The following PDE1C variants were observed in gnomAD, a reference collection of about 807,000 sequenced individuals.
PDE1C encodes the protein phosphodiesterase 1C.
Under a neutral mutation model 93.1 loss-of-function variants are expected in PDE1C, and 62 were observed. The ratio of observed to expected loss-of-function variants is 0.67; its 90% CI spans 0.54 to 0.82. The LOEUF is 0.82. Among genes scored for constraint, PDE1C ranks in the 40% least tolerant of loss-of-function variants. The probability of loss-of-function intolerance (pLI) is 0.00; values close to 1 mark genes in which losing one functional copy is unlikely to be tolerated. For missense variants in PDE1C, 742 were observed against 884.6 expected (o/e 0.84, Z 2.04); for synonymous variants, 325 against 310.1 (o/e 1.05, Z -0.50).
At chr7:32,247,689 G>GTTTTACA (rs1809067971) in intron 1 of PDE1C, among the ~76,000 whole-genome samples, 1 of 152,170 alleles carries the variant, frequency 6.6e-6, no homozygotes, top group Admixed American at 6.5e-5. Flanking sequence ...AATAACATGA[G>GTTTTACA]ATACTCAACA....
rs147199950 is a variant in PDE1C, at chr7:31,813,966, G to T, written c.1813+1958C>A. Reference sequence around the variant, plus strand: ...AATAATGGTCTCCAATTCCATCCAGGTTGCTGCAAATGCCATTATTTCATT... The same window carrying T: ...AATAATGGTCTCCAATTCCATCCAGTTTGCTGCAAATGCCATTATTTCATT... On this transcript the variant is annotated intron_variant, in intron 15 of 17. Coordinates refer to ENST00000396191, the MANE Select transcript of PDE1C (RefSeq NM_001191057.4). Among the ~76,000 whole-genome samples the T allele has an allele frequency of 2.3e-4, 35 of 151,966 alleles. 1 individual carries two copies. In the East Asian group the frequency reaches 6.9e-3, roughly 30 times the overall value.
intron 1 of PDE1C, among the ~76,000 whole-genome samples, chr7:32,277,246 C>T (rs184027023): frequency 3.4e-4 from 52 of 152,176 alleles, no homozygotes; most frequent in Non-Finnish European, 5.1e-4. Flanking sequence ...AAGACCCTGC[C>T]TCAAAAAACA....
intron 2 of PDE1C, among the ~76,000 whole-genome samples, chr7:32,021,954 G>T (rs1481406823): frequency 6.6e-6 from 1 of 151,968 alleles, no homozygotes; most frequent in South Asian, 2.1e-4. Context: ...AATACCTTCT[G>T]TCTTAGGATG....
At chr7:32,373,767 C>G (rs1252623616) in intron 1 of PDE1C, among the ~76,000 whole-genome samples, 1 of 152,150 alleles carries the variant, frequency 6.6e-6, no homozygotes, top group Non-Finnish European at 1.5e-5. Flanking sequence ...GCAGGCAGAT[C>G]ACTTGAGATC....
intron 2 of PDE1C, among the ~76,000 whole-genome samples, chr7:31,897,298 G>GT (rs1219734169): frequency 5.9e-5 from 9 of 152,280 alleles, no homozygotes; most frequent in East Asian, 1.9e-4. Flanking sequence ...AAACGAGACA[G>GT]TTTTTTTGTC....
At chr7:31,870,198 G>C (rs544639658) in intron 6 of PDE1C, among the ~76,000 whole-genome samples, 1 of 151,634 alleles carries the variant, frequency 6.6e-6, no homozygotes, top group Admixed American at 6.6e-5. Context: ...CAATGAAAAA[G>C]AAAGCAATAT....
At chr7:32,422,518 C>T (rs1785454008) in intron 1 of PDE1C, among the ~76,000 whole-genome samples, 1 of 141,672 alleles carries the variant, frequency 7.1e-6, no homozygotes. Flanking sequence ...TCCCCAGTGT[C>T]TATTGTTGCC....
intron 3 of PDE1C, among the ~76,000 whole-genome samples, chr7:32,128,275 A>G (rs1466335913): frequency 6.6e-6 from 1 of 151,896 alleles, no homozygotes; most frequent in African/African-American, 2.4e-5. Flanking sequence ...ACTATTTACT[A>G]TAAATAGTTA....
chr7:32,001,665 T>C (rs145056372), intron 2 of PDE1C, among the ~76,000 whole-genome samples: 172 of 152,146 alleles, frequency 1.1e-3, no homozygotes, highest in African/African-American at 3.9e-3. Context: ...ATTTTGCAGA[T>C]GACGAAAAAG....
rs528172475 is a variant in PDE1C at position 32,138,720 on chromosome 7, G to T, written c.308+31065C>A. On this transcript the variant is annotated intron_variant, in intron 3 of 18. Coordinates refer to the PDE1C transcript ENST00000396193. ...AAATGTAGTTTTGTTTGTAGTTGAG[G>T]ATTGTTAATTCCAGCTTATATAGAT... is the stretch of plus-strand genomic sequence containing the variant. Among the ~76,000 whole-genome samples, 11 of 152,176 alleles carry T rather than the reference G, an allele frequency of 7.2e-5. No homozygotes were observed. In the South Asian group the frequency reaches 1.2e-3, roughly 17 times the overall value.
chr7:31,803,118 G>T (rs1223201957), intron 16 of PDE1C, among the ~76,000 whole-genome samples: 1 of 151,152 alleles, frequency 6.6e-6, no homozygotes. Flanking sequence ...TATTGCTATC[G>T]TTTTGCTACT....
intron 2 of PDE1C, among the ~76,000 whole-genome samples, chr7:32,037,978 A>G (rs985155510): frequency 1.3e-5 from 2 of 152,178 alleles, no homozygotes; most frequent in Non-Finnish European, 2.9e-5. Context: ...ATCTCTCAGT[A>G]GTATTATTAA....
At chr7:32,175,620 C>T (rs1802935514) in intron 2 of PDE1C, among the ~76,000 whole-genome samples, 1 of 152,190 alleles carries the variant, frequency 6.6e-6, no homozygotes, top group Admixed American at 6.5e-5. Flanking sequence ...AAACACAAGG[C>T]AGCTGCTAAT....
At chr7:32,349,620 C>G (rs763268861) in intron 1 of PDE1C, among the ~76,000 whole-genome samples, 20 of 151,964 alleles carry the variant, frequency 1.3e-4, no homozygotes, top group Non-Finnish European at 2.9e-4. Context: ...CTCCTATATT[C>G]ATTAAAGTTG....
chr7:31,691,839 C>T, the PDE1C span, among the ~76,000 whole-genome samples: 2 of 125,300 alleles, frequency 1.6e-5, no homozygotes, highest in Non-Finnish European at 3.4e-5. Flanking sequence ...AAAAAACCCA[C>T]AACAGAAGCC....
intron 1 of PDE1C, among the ~76,000 whole-genome samples, chr7:32,414,256 G>A (rs1165795235): frequency 6.6e-6 from 1 of 150,578 alleles, no homozygotes; most frequent in Admixed American, 6.6e-5. Flanking sequence ...ATAATAAAGG[G>A]TAGAGGGGTA....
chr7:31,704,202 C>T, the PDE1C span, among the ~76,000 whole-genome samples: 1 of 152,208 alleles, frequency 6.6e-6, no homozygotes, highest in Non-Finnish European at 1.5e-5. Context: ...TCAGGATGTC[C>T]ATTGAAAGTG....
intron 2 of PDE1C, among the ~76,000 whole-genome samples, chr7:31,913,421 T>C (rs1052350052): frequency 6.6e-6 from 1 of 151,352 alleles, no homozygotes; most frequent in African/African-American, 2.4e-5. Flanking sequence ...AAAAAAAACA[T>C]AAATAATGAA....
At chr7:31,680,322 C>T in the PDE1C span, among the ~76,000 whole-genome samples, 2 of 152,110 alleles carry the variant, frequency 1.3e-5, no homozygotes, top group Non-Finnish European at 2.9e-5. Context: ...GTCAGATCTA[C>T]CCGTTTCATT....
Sources: allele counts gnomAD v4.1 joint callset (sites outside exome capture counted in the v4.1 genomes callset), GRCh38; gene constraint gnomAD v4.1.1; transcripts MANE v1.5; gene names NCBI Gene and HGNC (gene_info 2026-07-23, HGNC 2026-07-21).